The following DGKD variants were observed in gnomAD, a reference collection of about 807,000 sequenced individuals.
DGKD encodes DAG kinase delta.
Under a neutral mutation model 154.4 loss-of-function variants are expected in DGKD, and 68 were observed. The observed-to-expected ratio is 0.44, with a 90% CI of 0.36 to 0.54. The LOEUF (loss-of-function observed/expected upper bound fraction) is 0.54. Ranked by LOEUF, DGKD falls within the 20% of genes least tolerant of loss-of-function variation. DGKD has a pLI of 0.00. For synonymous variants in DGKD, 693 were observed against 638.0 expected (o/e 1.09, Z -1.30); for missense variants, 1,343 against 1,593.6 (o/e 0.84, Z 2.68).
intron 3 of DGKD, among the ~76,000 whole-genome samples, chr2:233,400,240 AAG>A (rs2061525450): frequency 1.3e-5 from 2 of 152,178 alleles, no homozygotes; most frequent in South Asian, 4.1e-4. Flanking sequence ...ACTAAGTAGG[AAG>A]AGGGCTCATC....
intron 10 of DGKD, among the ~76,000 whole-genome samples, chr2:233,442,819 T>G (rs577203918): frequency 6.6e-6 from 1 of 152,344 alleles, no homozygotes; most frequent in South Asian, 2.1e-4. Flanking sequence ...TTGGCCAGGA[T>G]GGTCTCGATC....
chr2:233,444,140 C>A (rs548142062), intron 10 of DGKD, among the ~76,000 whole-genome samples: 26 of 152,142 alleles, frequency 1.7e-4, no homozygotes, highest in Non-Finnish European at 3.5e-4. Context: ...CCTAGTGCCT[C>A]GAGTTTCCAA....
intron 3 of DGKD, among the ~76,000 whole-genome samples, chr2:233,411,252 T>C (rs544627913): frequency 6.6e-6 from 1 of 152,338 alleles, no homozygotes; most frequent in Admixed American, 6.5e-5. Flanking sequence ...GTTTAACTTC[T>C]TAAGAGGCTG....
Position 233,441,085 on chromosome 2 carries a change from G to A in DGKD, c.1086-802G>A, listed in dbSNP as rs565402867. ...CAGGTGCAAGTGTTGGCTTTCAGGA[G>A]TGGCCTGGGGGCTGTTGATCCAGAG... is the stretch of plus-strand genomic sequence containing the variant. On this transcript the variant is annotated intron_variant, in intron 9 of 29. Transcript: ENST00000264057. This position sits in a 1 kb window ranked among gnomAD's most constrained non-coding sequence, Gnocchi z 5.6. Among the ~76,000 whole-genome samples the A allele has an allele frequency of 1.3e-5, 2 of 152,330 alleles. No homozygotes were observed. Among genetic ancestry groups the A allele is most frequent in the South Asian group, 4.1e-4 (2 of 4,828 alleles).
chr2:233,429,331 C>T (rs757590516), intron 3 of DGKD: 96 of 984,884 alleles, frequency 9.7e-5, no homozygotes, highest in Non-Finnish European at 1.1e-4. Context: ...ACTATATTTA[C>T]TATGCTGACA....
At chr2:233,468,301 T>G in intron 28 of DGKD, 122 bp from the exon 29 acceptor site, 1 of 1,226,392 alleles carries the variant, frequency 8.2e-7, no homozygotes, top group Non-Finnish European at 1.1e-6. Flanking sequence ...CTGTCTCGGG[T>G]GCTGGCTGTT....
At chr2:233,468,598 C>T (rs200439054) in intron 29 of DGKD, 45 bp downstream of exon 29, 430 of 1,609,270 alleles carry the variant, frequency 2.7e-4, no homozygotes, top group South Asian at 2.2e-4. Flanking sequence ...TGGGCTTGCA[C>T]GCAGCTCCCT....
chr2:233,401,910 A>C (rs1209355985), intron 3 of DGKD, among the ~76,000 whole-genome samples: 1 of 112,972 alleles, frequency 8.9e-6, no homozygotes, highest in African/African-American at 3.5e-5. Flanking sequence ...ACAGAGTGAG[A>C]CTCTGTCTCA....
At chr2:233,431,339 T>A (rs192214878) in intron 3 of DGKD, among the ~76,000 whole-genome samples, 21 of 152,214 alleles carry the variant, frequency 1.4e-4, no homozygotes, top group Admixed American at 1.4e-3. Flanking sequence ...ACACAAAAAA[T>A]GGAAAGATAC....
At chr2:233,437,887 A>C (rs1301381474) in intron 8 of DGKD, among the ~76,000 whole-genome samples, 2 of 152,216 alleles carry the variant, frequency 1.3e-5, no homozygotes, top group Non-Finnish European at 2.9e-5. Flanking sequence ...AGCTGCTCTC[A>C]TGTCTGGCTG....
chr2:233,418,228 C>G (rs927063757), intron 3 of DGKD, among the ~76,000 whole-genome samples: 8 of 152,294 alleles, frequency 5.3e-5, no homozygotes, highest in Non-Finnish European at 1.2e-4. Context: ...CAGCGTTTTG[C>G]TATTGAAACC....
At chr2:233,439,632 G>T (rs2062823670) in intron 9 of DGKD, among the ~76,000 whole-genome samples, 1 of 152,146 alleles carries the variant, frequency 6.6e-6, no homozygotes, top group African/African-American at 2.4e-5. Flanking sequence ...TGCAATCCTG[G>T]CTCACAGCAG....
Position 233,441,894 on chromosome 2 carries a change from T to C in DGKD, c.1093T>C (p.Leu365=), listed in dbSNP as rs1481117688. 3.1e-6 allele frequency: 5 copies of C among 1,613,508 alleles called. No individual in the cohort carries two copies. In the East Asian group the frequency reaches 1.1e-4, roughly 36 times the overall value. Reference sequence around the variant, plus strand: ...TTTCTCTTTTCTCTGCAGCTTACGGTTATTCCAGAAGTTTGACACATTCCG... The same window carrying C: ...TTTCTCTTTTCTCTGCAGCTTACGGCTATTCCAGAAGTTTGACACATTCCG... ...MNGGPHLGLR[L]FQKFDTFRIL... is the part of the protein sequence containing the mutation. Residue 365 remains leucine (L), a synonymous_variant, in exon 10 of 30, where the codon TTA becomes CTA. Transcript: ENST00000264057. This position sits in a 1 kb window ranked among gnomAD's most constrained non-coding sequence, Gnocchi z 5.6.
At position 233,388,382 on chromosome 2, in the gene DGKD, A is replaced by G. The variant is rs1236752970; in HGVS notation, c.267+15A>G. 1.9e-6 allele frequency: 3 copies of G among 1,608,510 alleles called. No homozygotes were observed. The highest frequency in any genetic ancestry group is 2.5e-6 in the Non-Finnish European group (3 of 1,177,662). On this transcript the variant is annotated intron_variant, in intron 2 of 29. Transcript: ENST00000264057. ...AAACGGCAAAGGTGAGGCCCCATGC[A>G]GGAAAGCACACGCGAGGACATCACA...
intron 17 of DGKD, among the ~76,000 whole-genome samples, chr2:233,451,563 T>C (rs1291533298): frequency 2.0e-5 from 3 of 151,578 alleles, no homozygotes; most frequent in African/African-American, 4.9e-5. Flanking sequence ...AAACTGACTC[T>C]ATAAGCCTTT....
At chr2:233,409,775 T>TC (rs1308762825) in intron 3 of DGKD, among the ~76,000 whole-genome samples, 3 of 138,714 alleles carry the variant, frequency 2.2e-5, no homozygotes, top group Non-Finnish European at 3.1e-5. Context: ...AAACATGTGA[T>TC]CCCCCCATAC....
At chr2:233,465,493 T>C (rs945496846) in intron 27 of DGKD, among the ~76,000 whole-genome samples, 3 of 152,340 alleles carry the variant, frequency 2.0e-5, no homozygotes, top group African/African-American at 7.2e-5. Flanking sequence ...GGCTCGCACC[T>C]GTAATCCCAG....
chr2:233,370,279 T>A (rs1410661805), intron 1 of DGKD, among the ~76,000 whole-genome samples: 1 of 152,174 alleles, frequency 6.6e-6, no homozygotes, highest in Non-Finnish European at 1.5e-5. Flanking sequence ...AGTGGCTCAA[T>A]CTCAGCTCAC....
At chr2:233,355,240 C>A (rs1701483792) in intron 1 of DGKD, among the ~76,000 whole-genome samples, 2 of 152,292 alleles carry the variant, frequency 1.3e-5, no homozygotes, top group South Asian at 4.1e-4. Flanking sequence ...GTTCAGTGAC[C>A]GTCTCTCTCA....
Sources: gnomAD v4.1 joint callset for allele counts (sites outside exome capture counted in the v4.1 genomes callset) on GRCh38, gnomAD v4.1.1 for gene constraint, Gnocchi (gnomAD v3.1) non-coding constraint, MANE v1.5 for transcripts, NCBI Gene and HGNC (gene_info 2026-07-23, HGNC 2026-07-21) for gene names.